ME1: variants seen among roughly 807,000 people sequenced by gnomAD.
ME1 encodes NADP-dependent malic enzyme.
ME1 carries 74 observed loss-of-function variants against 66.4 expected under a neutral mutation model. That is an observed-to-expected ratio of 1.11 (90% CI 0.92 to 1.35). The LOEUF (loss-of-function observed/expected upper bound fraction) is 1.35, where lower values mean the gene tolerates loss of function less well. Among genes scored for constraint, ME1 ranks in the 40% most tolerant of loss-of-function variants. The pLI is 0.00. For synonymous variants in ME1, 251 were observed against 235.6 expected, an observed-to-expected ratio of 1.07 and a Z score of -0.60; for missense variants, 750 against 694.1, an observed-to-expected ratio of 1.08 and a Z score of -0.90.
intron 6 of ME1, among the ~76,000 whole-genome samples, chr6:83,267,852 A>C (rs1767014658): frequency 6.6e-6 from 1 of 152,230 alleles, no homozygotes; most frequent in Admixed American, 6.5e-5. Flanking sequence ...GAAAAATATT[A>C]GCAGAACAAG....
chr6:83,343,169 C>A (rs993317773), intron 5 of ME1, among the ~76,000 whole-genome samples: 2 of 152,166 alleles, frequency 1.3e-5, no homozygotes, highest in Admixed American at 1.3e-4. Flanking sequence ...CACCCTCTAT[C>A]CTGACATACA....
At chr6:83,271,884 ATAG>A in intron 6 of ME1, among the ~76,000 whole-genome samples, 1 of 152,188 alleles carries the variant, frequency 6.6e-6, no homozygotes, top group South Asian at 2.1e-4. Context: ...TTGTGGGTAC[ATAG>A]TAGGTGTATA....
intron 3 of ME1, among the ~76,000 whole-genome samples, chr6:83,380,979 TG>T (rs1769384293): frequency 6.6e-6 from 1 of 151,988 alleles, no homozygotes; most frequent in South Asian, 2.1e-4. Context: ...ATATAGTTCA[TG>T]GAAATAAAAA....
rs1237438874 is a variant in ME1 at position 83,239,560 on chromosome 6, T to A, written c.891A>T (p.Ile297=). 2 of 1,612,838 alleles carry A rather than the reference T, an allele frequency of 1.2e-6. No homozygotes were observed. Among genetic ancestry groups the A allele is most frequent in the South Asian group, 2.2e-5 (2 of 90,986 alleles). Residue 297 remains isoleucine (I), a synonymous_variant, in exon 8 of 14, where the codon ATA becomes ATT. Transcript: ENST00000369705. ...ITKNKLSDQT[I]LFQGAGEAAL... is the part of the protein sequence containing the mutation. ...ATACCTCTCCAGCTCCTTGGAATAG[T>A]ATTGTTTGATCAGACAGTTTGTTCT...
chr6:83,346,704 C>G (rs1301920762), intron 4 of ME1, among the ~76,000 whole-genome samples: 2 of 152,122 alleles, frequency 1.3e-5, no homozygotes, highest in African/African-American at 4.8e-5. Context: ...TAGTAAAGTA[C>G]TGCATAGTTA....
At chr6:83,255,068 T>G (rs938903558) in intron 6 of ME1, among the ~76,000 whole-genome samples, 1 of 152,158 alleles carries the variant, frequency 6.6e-6, no homozygotes, top group Non-Finnish European at 1.5e-5. Context: ...CCTTCAATTA[T>G]GTTAATTTAT....
At chr6:83,353,312 TA>T (rs1768833917) in intron 3 of ME1, among the ~76,000 whole-genome samples, 1 of 152,216 alleles carries the variant, frequency 6.6e-6, no homozygotes, top group African/African-American at 2.4e-5. Context: ...CTTATTTTGC[TA>T]AATGTCTAAA....
chr6:83,400,225 T>A (rs6900022), intron 2 of ME1, among the ~76,000 whole-genome samples: 38,541 of 151,824 alleles, frequency 0.25, 5,579 homozygotes, highest in Middle Eastern at 0.46. Flanking sequence ...ATCATGGGGG[T>A]GGATCCCTCA....
chr6:83,396,643 C>T (rs991145413), intron 3 of ME1, among the ~76,000 whole-genome samples: 8 of 151,848 alleles, frequency 5.3e-5, no homozygotes, highest in Non-Finnish European at 1.0e-4. Context: ...TCATATGAAC[C>T]ACAAAAGGCC....
chr6:83,390,751 A>T (rs1442092842), intron 3 of ME1, among the ~76,000 whole-genome samples: 1 of 152,106 alleles, frequency 6.6e-6, no homozygotes, highest in African/African-American at 2.4e-5. Context: ...TTGAAAGAAT[A>T]ATACAACAAA....
chr6:83,406,511 T>A (rs2128551834), intron 2 of ME1, among the ~76,000 whole-genome samples: 1 of 152,316 alleles, frequency 6.6e-6, no homozygotes, highest in Non-Finnish European at 1.5e-5. Context: ...ACTAATCCCA[T>A]TTCATGAGGG....
At chr6:83,356,795 T>A (rs1296023961) in intron 3 of ME1, among the ~76,000 whole-genome samples, 1 of 152,188 alleles carries the variant, frequency 6.6e-6, no homozygotes, top group Non-Finnish European at 1.5e-5. Flanking sequence ...TGATGCCGCA[T>A]CACTACCAAA....
intron 3 of ME1, among the ~76,000 whole-genome samples, chr6:83,368,746 T>C (rs1194491220): frequency 6.6e-6 from 1 of 152,000 alleles, no homozygotes; most frequent in African/African-American, 2.4e-5. Flanking sequence ...TGGATAAAAA[T>C]AGGAGTTTTA....
At chr6:83,357,935 C>CTCTCTATATA (rs1447805761) in intron 3 of ME1, among the ~76,000 whole-genome samples, 5 of 30,040 alleles carry the variant, frequency 1.7e-4, no homozygotes, top group African/African-American at 4.7e-4. Flanking sequence ...CTCTCTCTCT[C>CTCTCTATATA]TATATATATA....
intron 6 of ME1, among the ~76,000 whole-genome samples, chr6:83,303,854 GAAACAAT>G (rs1767775199): frequency 6.6e-6 from 1 of 151,992 alleles, no homozygotes; most frequent in Non-Finnish European, 1.5e-5. Flanking sequence ...ATTAACAACA[GAAACAAT>G]AAGGAATAAC....
chr6:83,398,530 A>C lies in ME1; in HGVS notation c.213-14T>G. Reference sequence around the variant, plus strand: ...AAGAGAAGATACCTGTAAAAATTGGACATAATTAGATCTACATCCCATAAA... The same window carrying C: ...AAGAGAAGATACCTGTAAAAATTGGCCATAATTAGATCTACATCCCATAAA... On this transcript the variant is annotated splice_polypyrimidine_tract_variant and intron_variant, in intron 2 of 13. Transcript: ENST00000369705. 5 of 1,438,296 alleles carry C rather than the reference A, an allele frequency of 3.5e-6. No homozygotes were observed. The highest frequency in any genetic ancestry group is 3.8e-6 in the Non-Finnish European group (4 of 1,052,256). The allele number at this position is 1,438,296 out of a possible 1,614,324, so 89.1% of individuals were successfully genotyped here.
At chr6:83,366,062 A>G (rs1769096397) in intron 3 of ME1, among the ~76,000 whole-genome samples, 1 of 152,138 alleles carries the variant, frequency 6.6e-6, no homozygotes, top group Non-Finnish European at 1.5e-5. Context: ...CCTTGGACTC[A>G]TTTTCAAAGT....
At chr6:83,321,215 C>G (rs1269766889) in intron 5 of ME1, among the ~76,000 whole-genome samples, 1 of 152,142 alleles carries the variant, frequency 6.6e-6, no homozygotes, top group Non-Finnish European at 1.5e-5. Context: ...GTTTCAAGCA[C>G]AAAACTGGGT....
At chr6:83,257,254 G>A (rs1394115100) in intron 6 of ME1, among the ~76,000 whole-genome samples, 1 of 150,980 alleles carries the variant, frequency 6.6e-6, no homozygotes, top group East Asian at 1.9e-4. Flanking sequence ...AAAATCAAAA[G>A]ACTTTTACTA....
Sources: gnomAD v4.1 joint callset for allele counts (sites outside exome capture counted in the v4.1 genomes callset) on GRCh38, gnomAD v4.1.1 for gene constraint, MANE v1.5 for transcripts, NCBI Gene and HGNC (gene_info 2026-07-23, HGNC 2026-07-21) for gene names.